PIBF1: variants seen among roughly 807,000 people sequenced by gnomAD.
The protein encoded by PIBF1 is progesterone immunomodulatory binding factor 1, also known as progesterone-induced-blocking factor 1.
A neutral mutation model predicts 112.5 loss-of-function variants in PIBF1; 90 were observed. The ratio of observed to expected loss-of-function variants is 0.80; its 90% confidence interval spans 0.67 to 0.95. The LOEUF is 0.95. PIBF1 is among the 40% of genes least tolerant of loss of function. The probability of loss-of-function intolerance (pLI) is 0.00; values close to 1 mark genes in which losing one functional copy is unlikely to be tolerated. For missense variants in PIBF1, 915 were observed against 852.3 expected (o/e 1.07, Z -0.92); for synonymous variants, 301 against 288.6 (o/e 1.04, Z -0.44).
chr13:72,799,477 C>T (rs1277228640), intron 5 of PIBF1, among the ~76,000 whole-genome samples: 8 of 152,074 alleles, frequency 5.3e-5, no homozygotes, highest in Admixed American at 5.2e-4. Context: ...AGATGTGCCC[C>T]CACTCCAAAC....
At chr13:72,868,522 G>A (rs1161322315) in intron 10 of PIBF1, among the ~76,000 whole-genome samples, 2 of 152,128 alleles carry the variant, frequency 1.3e-5, no homozygotes, top group African/African-American at 4.8e-5. Flanking sequence ...TAAATAACCT[G>A]TCATTTATAA....
intron 16 of PIBF1, among the ~76,000 whole-genome samples, chr13:72,976,071 A>C (rs760473888): frequency 5.9e-5 from 9 of 152,178 alleles, no homozygotes; most frequent in Non-Finnish European, 8.8e-5. Flanking sequence ...TGCGTGGTGG[A>C]TTGAGAAGAA....
At chr13:72,888,305 T>C (rs141289409) in intron 10 of PIBF1, among the ~76,000 whole-genome samples, 1 of 152,282 alleles carries the variant, frequency 6.6e-6, no homozygotes, top group African/African-American at 2.4e-5. Context: ...GAGCAAATTT[T>C]ATATGAAAGC....
At chr13:72,938,569 G>T (rs893238062) in intron 14 of PIBF1, among the ~76,000 whole-genome samples, 1 of 152,020 alleles carries the variant, frequency 6.6e-6, no homozygotes, top group Non-Finnish European at 1.5e-5. Context: ...ATTCCATTTT[G>T]CAGATTAACT....
At chr13:72,827,387 T>A (rs576876649) in intron 7 of PIBF1, among the ~76,000 whole-genome samples, 1 of 151,978 alleles carries the variant, frequency 6.6e-6, no homozygotes, top group South Asian at 2.1e-4. Flanking sequence ...TAGCTGGGAT[T>A]ACAGGCGTGT....
intron 14 of PIBF1, among the ~76,000 whole-genome samples, chr13:72,953,426 C>G (rs1160940200): frequency 4.6e-5 from 7 of 152,156 alleles, no homozygotes; most frequent in Non-Finnish European, 1.0e-4. Context: ...CTGGGTCTAG[C>G]TGCTCAGTGG....
intron 9 of PIBF1, 47 bp downstream of exon 9, chr13:72,835,415 G>T: frequency 7.0e-7 from 1 of 1,422,430 alleles, no homozygotes; most frequent in Non-Finnish European, 9.5e-7. Flanking sequence ...ATCTTTGGAG[G>T]TTTTAGAAGC....
At chr13:72,858,382 T>C (rs1051204770) in intron 10 of PIBF1, among the ~76,000 whole-genome samples, 1 of 152,176 alleles carries the variant, frequency 6.6e-6, no homozygotes. Context: ...GAATTTTATT[T>C]CTAGTACGTT....
intron 12 of PIBF1, among the ~76,000 whole-genome samples, chr13:72,914,809 G>A (rs887304839): frequency 6.6e-6 from 1 of 152,076 alleles, no homozygotes; most frequent in South Asian, 2.1e-4. Flanking sequence ...CAAACTCCTG[G>A]CCTCAAGGGA....
intron 10 of PIBF1, among the ~76,000 whole-genome samples, chr13:72,863,512 T>G (rs954679472): frequency 6.7e-6 from 1 of 150,306 alleles, no homozygotes; most frequent in Admixed American, 6.6e-5. Context: ...AAAAAAATTA[T>G]CCAGGCGTGG....
At chr13:72,936,119 T>C (rs1222359945) in intron 14 of PIBF1, among the ~76,000 whole-genome samples, 1 of 152,030 alleles carries the variant, frequency 6.6e-6, no homozygotes, top group East Asian at 1.9e-4. Context: ...CCTCGAACTC[T>C]TGGACTCAAG....
intron 16 of PIBF1, among the ~76,000 whole-genome samples, chr13:72,987,769 C>T (rs1470754031): frequency 6.7e-5 from 10 of 148,588 alleles, no homozygotes; most frequent in Non-Finnish European, 1.2e-4. Flanking sequence ...GCCTTGGCCT[C>T]CCAAAGTGCT....
chr13:72,800,649 G>A (rs1231376091), intron 5 of PIBF1, among the ~76,000 whole-genome samples: 3 of 151,938 alleles, frequency 2.0e-5, no homozygotes, highest in African/African-American at 4.8e-5. Flanking sequence ...TACTATATAC[G>A]GCATGCATTA....
chr13:72,955,662 A>G (rs924096180), intron 14 of PIBF1, among the ~76,000 whole-genome samples: 1 of 152,176 alleles, frequency 6.6e-6, no homozygotes, highest in Non-Finnish European at 1.5e-5. Context: ...GTTGAACCAC[A>G]TTAAAATTAA....
In PIBF1 at chr13:72,920,140, A is replaced by T. The variant is rs139808457; in HGVS notation, c.1730+2974A>T. On this transcript the variant is annotated intron_variant, in intron 13 of 17. Transcript: ENST00000326291. ...TTGGTTTTTAATATTTAAAGTGAGG[A>T]TTTAAGGAACCACAACTGATTCATA... 7.0e-4 allele frequency among the ~76,000 whole-genome samples: 106 copies of T among 152,298 alleles called. 1 individual carries two copies. The East Asian group carries it at 0.016, about 23-fold the overall frequency.
chr13:72,855,478 G>A (rs958818190), intron 10 of PIBF1, among the ~76,000 whole-genome samples: 4 of 151,960 alleles, frequency 2.6e-5, no homozygotes, highest in Admixed American at 6.6e-5. Context: ...GTAAAACCCC[G>A]TCTCTACTAA....
chr13:72,998,419 G>A (rs1259924608), intron 16 of PIBF1, among the ~76,000 whole-genome samples: 3 of 151,362 alleles, frequency 2.0e-5, no homozygotes, highest in Non-Finnish European at 4.4e-5. Flanking sequence ...AGGCTGCAGT[G>A]AGCCGAGACC....
intron 8 of PIBF1, among the ~76,000 whole-genome samples, chr13:72,834,788 G>T (rs1426691308): frequency 6.6e-6 from 1 of 152,092 alleles, no homozygotes; most frequent in Non-Finnish European, 1.5e-5. Context: ...TCACGGTGTG[G>T]CTGTGGTTGT....
At chr13:72,979,268 T>G (rs1168898968) in intron 16 of PIBF1, among the ~76,000 whole-genome samples, 1 of 152,202 alleles carries the variant, frequency 6.6e-6, no homozygotes, top group Admixed American at 6.5e-5. Flanking sequence ...TTAATTGCAT[T>G]TAGTTTTCAT....
Sources: gnomAD v4.1 joint callset for allele counts (sites outside exome capture counted in the v4.1 genomes callset) on GRCh38, gnomAD v4.1.1 for gene constraint, MANE v1.5 for transcripts, NCBI Gene and HGNC (gene_info 2026-07-23, HGNC 2026-07-21) for gene names.